The following KCNIP1 variants were observed in gnomAD, a reference collection of about 807,000 sequenced individuals.
KCNIP1 encodes the protein potassium voltage-gated channel interacting protein 1, also known as A-type potassium channel modulatory protein KCNIP1.
In KCNIP1, 18 loss-of-function variants were observed where a neutral mutation model predicts 33.0. The ratio of observed to expected loss-of-function variants is 0.55; its 90% CI spans 0.38 to 0.81. KCNIP1 has a LOEUF of 0.81. Among genes scored for constraint, KCNIP1 ranks in the 30% least tolerant of loss-of-function variants. KCNIP1 has a pLI of 0.00. For missense variants in KCNIP1, 238 were observed against 271.6 expected (o/e 0.88, Z 0.87); for synonymous variants, 93 against 98.3 (o/e 0.95, Z 0.32).
intron 1 of KCNIP1, among the ~76,000 whole-genome samples, chr5:170,627,592 G>A (rs894884310): frequency 1.3e-5 from 2 of 152,242 alleles, no homozygotes; most frequent in African/African-American, 4.8e-5. Flanking sequence ...GATGCGGAGT[G>A]CCTGAGATGG....
At chr5:170,616,546 G>A (rs1374646145) in intron 1 of KCNIP1, among the ~76,000 whole-genome samples, 2 of 152,148 alleles carry the variant, frequency 1.3e-5, no homozygotes, top group Admixed American at 6.5e-5. Flanking sequence ...TAAGGATGGC[G>A]GCATCTCTGC....
chr5:170,379,942 A>T (rs1271406660), intron 1 of KCNIP1, among the ~76,000 whole-genome samples: 2 of 150,564 alleles, frequency 1.3e-5, no homozygotes, highest in Non-Finnish European at 3.0e-5. Flanking sequence ...ACAAAGCGAG[A>T]TCCCATTTCA....
At chr5:170,578,637 C>T (rs947565034) in intron 1 of KCNIP1, among the ~76,000 whole-genome samples, 3 of 151,812 alleles carry the variant, frequency 2.0e-5, no homozygotes, top group African/African-American at 4.8e-5. Flanking sequence ...ACATTCCAGG[C>T]GATAAGGACC....
chr5:170,378,413 T>C, intron 1 of KCNIP1: 1 of 353,754 alleles, frequency 2.8e-6, no homozygotes, highest in Non-Finnish European at 5.1e-6. Context: ...CACATAGTGA[T>C]GCAGCCGGAA....
chr5:170,562,922 G>A (rs1757083426), intron 1 of KCNIP1, among the ~76,000 whole-genome samples: 1 of 152,220 alleles, frequency 6.6e-6, no homozygotes, highest in African/African-American at 2.4e-5. Context: ...TAGAACAGGT[G>A]TTCATCTTCT....
intron 1 of KCNIP1, among the ~76,000 whole-genome samples, chr5:170,660,262 T>A (rs1252449619): frequency 6.6e-6 from 1 of 152,160 alleles, no homozygotes; most frequent in African/African-American, 2.4e-5. Flanking sequence ...TGTTTCTCAT[T>A]GATTTCCATT....
At chr5:170,396,715 G>C (rs897547246) in intron 1 of KCNIP1, among the ~76,000 whole-genome samples, 5 of 152,186 alleles carry the variant, frequency 3.3e-5, no homozygotes, top group Non-Finnish European at 5.9e-5. Flanking sequence ...ACCACGAAGG[G>C]GGGTTATGGA....
At position 170,615,569 on chromosome 5, in the gene KCNIP1, G is replaced by A. The variant is rs145176556; in HGVS notation, c.62-103189G>A. ...CGATCTTGCTAGTTCCTTGCAGGGA[G>A]AATCCCAGCAGCCTGGGCTTTTCCA... On this transcript the variant is annotated intron_variant, in intron 1 of 7. Transcript: ENST00000328939. Among the ~76,000 whole-genome samples the A allele has an allele frequency of 9.1e-3, 1,379 of 152,134 alleles. 10 individuals are homozygous for A. Among genetic ancestry groups the A allele is most frequent in the Non-Finnish European group, 0.015 (1,013 of 67,986 alleles).
intron 1 of KCNIP1, among the ~76,000 whole-genome samples, chr5:170,534,943 C>T (rs892091696): frequency 6.3e-4 from 96 of 152,150 alleles, no homozygotes; most frequent in African/African-American, 2.1e-3. Flanking sequence ...GCCTCGGTTT[C>T]CCAGAGTCTG....
intron 1 of KCNIP1, among the ~76,000 whole-genome samples, chr5:170,476,321 G>T (rs1345872683): frequency 2.0e-5 from 3 of 152,112 alleles, no homozygotes; most frequent in Non-Finnish European, 4.4e-5. Flanking sequence ...TCATATCTCT[G>T]ACTAATTACA....
chr5:170,504,648 T>C lies in KCNIP1; in HGVS notation c.61+15T>C, dbSNP rs1419064457. The C allele has an allele frequency of 1.1e-5, 17 of 1,607,420 alleles. No individual in the cohort carries two copies. Among genetic ancestry groups the C allele is most frequent in the Non-Finnish European group, 1.4e-5 (17 of 1,174,198 alleles). Reference sequence around the variant, plus strand: ...ACCCTCGAAAGGTAAGCCACCTTCTTCCTTTTGTTCCCCTGTCTGGGCTTG... The same window carrying C: ...ACCCTCGAAAGGTAAGCCACCTTCTCCCTTTTGTTCCCCTGTCTGGGCTTG... On this transcript the variant is annotated intron_variant, in intron 1 of 7. Transcript: ENST00000328939. The surrounding 1 kb of genome is among the most constrained non-coding windows in gnomAD (Gnocchi z 6.0).
chr5:170,684,352 C>T (rs1762468602), intron 1 of KCNIP1, among the ~76,000 whole-genome samples: 1 of 152,138 alleles, frequency 6.6e-6, no homozygotes, highest in South Asian at 2.1e-4. Flanking sequence ...GACAAACTCC[C>T]CTAGAGTCTA....
At chr5:170,581,793 A>G (rs1757803586) in intron 1 of KCNIP1, among the ~76,000 whole-genome samples, 2 of 152,228 alleles carry the variant, frequency 1.3e-5, no homozygotes, top group South Asian at 4.1e-4. Flanking sequence ...AGTAATTTGT[A>G]AAGAAGAGGT....
intron 1 of KCNIP1, among the ~76,000 whole-genome samples, chr5:170,471,909 G>A (rs1457863100): frequency 6.6e-6 from 1 of 152,138 alleles, no homozygotes; most frequent in Non-Finnish European, 1.5e-5. Context: ...ACATTTACTG[G>A]TTCATTTTTC....
chr5:170,548,341 A>G (rs907890629), intron 1 of KCNIP1, among the ~76,000 whole-genome samples: 1 of 152,218 alleles, frequency 6.6e-6, no homozygotes, highest in African/African-American at 2.4e-5. Context: ...TGCAAGCCTT[A>G]TCTCACAGTA....
intron 1 of KCNIP1, among the ~76,000 whole-genome samples, chr5:170,493,555 A>C (rs1757250705): frequency 6.6e-6 from 1 of 152,182 alleles, no homozygotes; most frequent in Non-Finnish European, 1.5e-5. Flanking sequence ...CTCCAGCTGC[A>C]GGTTGGTGAG....
chr5:170,416,402 C>G (rs576463403), intron 1 of KCNIP1, among the ~76,000 whole-genome samples: 87 of 152,270 alleles, frequency 5.7e-4, no homozygotes, highest in Admixed American at 2.2e-3. Flanking sequence ...CTTCCGGCTC[C>G]TCCCGGAAGT....
At chr5:170,727,913 C>T (rs1185835925) in intron 5 of KCNIP1, among the ~76,000 whole-genome samples, 1 of 152,156 alleles carries the variant, frequency 6.6e-6, no homozygotes, top group African/African-American at 2.4e-5. Flanking sequence ...CACACTCCAG[C>T]CTGGGCAACA....
At chr5:170,412,462 G>C (rs1473136633) in intron 1 of KCNIP1, among the ~76,000 whole-genome samples, 1 of 152,148 alleles carries the variant, frequency 6.6e-6, no homozygotes, top group African/African-American at 2.4e-5. Flanking sequence ...GGCCCTCCAA[G>C]GGGGAAAGAG....
Sources: gnomAD v4.1 joint callset for allele counts (sites outside exome capture counted in the v4.1 genomes callset) on GRCh38, gnomAD v4.1.1 for gene constraint, Gnocchi (gnomAD v3.1) non-coding constraint, MANE v1.5 for transcripts, NCBI Gene and HGNC (gene_info 2026-07-23, HGNC 2026-07-21) for gene names.